Variants in CACNA1D observed in about 807,000 individuals in gnomAD.
CACNA1D encodes the protein calcium voltage-gated channel subunit alpha1 D.
Under a neutral mutation model 257.1 loss-of-function variants are expected in CACNA1D, and 55 were observed. That is an observed-to-expected ratio of 0.21 (90% CI 0.17 to 0.27). The LOEUF (loss-of-function observed/expected upper bound fraction) is 0.27. CACNA1D is among the 10% of genes least tolerant of loss of function. The pLI is 1.00. For synonymous variants in CACNA1D, 980 were observed against 1,014.9 expected (o/e 0.97, Z 0.65); for missense variants, 1,876 against 2,784.0 (o/e 0.67, Z 7.34).
At chr3:53,541,559 C>T (rs1052207919) in intron 3 of CACNA1D, among the ~76,000 whole-genome samples, 1 of 152,188 alleles carries the variant, frequency 6.6e-6, no homozygotes, top group Non-Finnish European at 1.5e-5. Flanking sequence ...CGTGAGGGCT[C>T]TCCGGCTCCT....
chr3:53,500,432 C>CAAAAA (rs34272886), intron 2 of CACNA1D, among the ~76,000 whole-genome samples: 4 of 112,918 alleles, frequency 3.5e-5, no homozygotes, highest in African/African-American at 1.0e-4. Context: ...GACCCCATCT[C>CAAAAA]AAAAAAAAAA....
chr3:53,510,674 A>G (rs1407962441), intron 3 of CACNA1D, among the ~76,000 whole-genome samples: 1 of 152,094 alleles, frequency 6.6e-6, no homozygotes, highest in East Asian at 1.9e-4. Flanking sequence ...TTTACCTCAC[A>G]CCACATCTCA....
intron 3 of CACNA1D, among the ~76,000 whole-genome samples, chr3:53,537,108 A>C (rs918125614): frequency 1.9e-4 from 29 of 152,276 alleles, no homozygotes; most frequent in African/African-American, 7.0e-4. Context: ...TAAGAAAGCA[A>C]AATCTCTCTC....
At chr3:53,802,319 G>C in intron 43 of CACNA1D, 146 bp downstream of exon 43, 1 of 791,352 alleles carries the variant, frequency 1.3e-6, no homozygotes, top group East Asian at 2.5e-5. Flanking sequence ...TCAGAGGTCA[G>C]AGGTTGTTGC....
intron 3 of CACNA1D, among the ~76,000 whole-genome samples, chr3:53,528,338 A>G (rs978930736): frequency 6.6e-6 from 1 of 152,226 alleles, no homozygotes; most frequent in Non-Finnish European, 1.5e-5. Context: ...TCAATGGATC[A>G]CATAAATTTG....
rs1575665762 is a variant in CACNA1D at position 53,494,943 on chromosome 3, T to G, written c.-224T>G. On this transcript the variant is annotated 5_prime_UTR_variant, in exon 1 of 48. Transcript: ENST00000350061. ...TTTTTAAAAAGTTTATTTTGCTCCATTTTTGAAAAAGAGAGAGCTTGGGTG... is the reference window on the plus strand; with the variant it reads ...TTTTTAAAAAGTTTATTTTGCTCCAGTTTTGAAAAAGAGAGAGCTTGGGTG... The G allele has an allele frequency of 1.8e-6, 1 of 570,782 alleles. No homozygotes were observed. Among genetic ancestry groups the G allele is most frequent in the Non-Finnish European group, 3.1e-6 (1 of 320,236 alleles). 35.4% of individuals were successfully genotyped at this position (570,782 alleles called of 1,614,324 possible). A position where few individuals can be genotyped will look rare whatever the true frequency, so the allele number is the denominator to read the frequency against.
At chr3:53,520,886 CTTTCTTTCTTTTCT>C (rs755281028) in intron 3 of CACNA1D, among the ~76,000 whole-genome samples, 9,750 of 87,108 alleles carry the variant, frequency 0.11, 363 homozygotes, top group East Asian at 0.18. Context: ...TTCTTTCTTT[CTTTCTTTCTTTTCT>C]TTTCTTTTCT....
chr3:53,796,176 T>C (rs542832838), intron 40 of CACNA1D: 7 of 356,830 alleles, frequency 2.0e-5, no homozygotes, highest in South Asian at 1.2e-4. Flanking sequence ...TCTCATTGGG[T>C]ATAGACTGAA....
In CACNA1D at chr3:53,747,215, G is replaced by A. The variant is rs541306456; in HGVS notation, c.3168-87G>A. On this transcript the variant is annotated intron_variant, in intron 25 of 47. Coordinates refer to ENST00000350061, the MANE Select transcript of CACNA1D (RefSeq NM_001128840.3). Reference sequence around the variant, plus strand: ...CGGACTGAGTGTGACCTGCCTGGAGGTTGGATTGGGGCAGTGTGTCCAACT... The same window carrying A: ...CGGACTGAGTGTGACCTGCCTGGAGATTGGATTGGGGCAGTGTGTCCAACT... 1.2e-4 allele frequency: 131 copies of A among 1,134,596 alleles called. No individual in the cohort carries two copies. The East Asian group carries it at 3.0e-3, about 26-fold the overall frequency. 70.3% of individuals were successfully genotyped at this position (1,134,596 alleles called of 1,614,324 possible).
At chr3:53,742,872 A>AC (rs2095131324) in intron 21 of CACNA1D, 139 bp from the exon 22 acceptor site, 2 of 707,554 alleles carry the variant, frequency 2.8e-6, no homozygotes, top group Middle Eastern at 3.1e-4. Context: ...CTGTGGCTCA[A>AC]CCCCGTTGGT....
At chr3:53,770,688 G>T (rs1209778257) in intron 32 of CACNA1D, 136 bp downstream of exon 32, 4 of 781,448 alleles carry the variant, frequency 5.1e-6, no homozygotes, top group African/African-American at 3.4e-5. Context: ...AACATGGAAT[G>T]CTGGAGAGAC....
intron 20 of CACNA1D, among the ~76,000 whole-genome samples, chr3:53,739,763 G>A (rs548973566): frequency 5.6e-4 from 86 of 152,272 alleles, no homozygotes; most frequent in African/African-American, 1.9e-3. Context: ...GGGTGCTGAC[G>A]CCCTGATTAC....
intron 40 of CACNA1D, chr3:53,797,947 C>T (rs915454678): frequency 6.6e-6 from 1 of 152,160 alleles, no homozygotes. Context: ...TTTGTGGAAG[C>T]AGCAGCAGGT....
intron 3 of CACNA1D, among the ~76,000 whole-genome samples, chr3:53,544,450 A>T (rs1172421028): frequency 1.3e-5 from 2 of 152,132 alleles, no homozygotes; most frequent in Non-Finnish European, 2.9e-5. Flanking sequence ...GCTCCCACCC[A>T]GATGAAAACC....
At chr3:53,509,201 T>TGGAGGAAGAAACAGAATAGCTGAAGATG (rs2090999693) in intron 3 of CACNA1D, among the ~76,000 whole-genome samples, 2 of 146,912 alleles carry the variant, frequency 1.4e-5, no homozygotes, top group Non-Finnish European at 2.9e-5. Flanking sequence ...ATGGGTGGTA[T>TGGAGGAAGAAACAGAATAGCTGAAGATG]GGAGGAAGAA....
intron 2 of CACNA1D, among the ~76,000 whole-genome samples, chr3:53,498,633 G>T (rs1323064021): frequency 6.6e-6 from 1 of 152,194 alleles, no homozygotes; most frequent in African/African-American, 2.4e-5. Context: ...CACCAAAAAG[G>T]GAGGATGTTG....
intron 9 of CACNA1D, among the ~76,000 whole-genome samples, chr3:53,712,057 A>G (rs866931890): frequency 4.6e-5 from 7 of 152,248 alleles, no homozygotes; most frequent in Admixed American, 1.3e-4. Context: ...AAAGACTGAC[A>G]TAGGAATATA....
At chr3:53,552,249 C>T (rs1252807816) in intron 3 of CACNA1D, among the ~76,000 whole-genome samples, 1 of 152,178 alleles carries the variant, frequency 6.6e-6, no homozygotes, top group African/African-American at 2.4e-5. Context: ...TGAGAATGCT[C>T]AGGGCTTGGT....
In CACNA1D at chr3:53,693,464, T is replaced by A. The variant is rs564531950; in HGVS notation, c.1221-9177T>A. ...TGAAACATCACACATTGCTGTTATT[T>A]TTTTTTTTTTTTTTTACAAAATTCC... On this transcript the variant is annotated intron_variant, in intron 8 of 47. Coordinates refer to ENST00000350061, the MANE Select transcript of CACNA1D (RefSeq NM_001128840.3). 6.0e-4 allele frequency among the ~76,000 whole-genome samples: 68 copies of A among 113,280 alleles called. 1 individual carries two copies. In the East Asian group the frequency reaches 8.2e-3, roughly 14 times the overall value. 74.3% of individuals were successfully genotyped at this position (113,280 alleles called of 152,430 possible).
Sources: gnomAD v4.1 joint callset for allele counts (sites outside exome capture counted in the v4.1 genomes callset) on GRCh38, gnomAD v4.1.1 for gene constraint, MANE v1.5 for transcripts, NCBI Gene and HGNC (gene_info 2026-07-23, HGNC 2026-07-21) for gene names.